The following TBC1D12 variants were observed in gnomAD, a reference collection of about 807,000 sequenced individuals.
TBC1D12 encodes the protein TBC1 domain family, member 12.
In TBC1D12, 56 loss-of-function variants were observed where a neutral mutation model predicts 86.7. The ratio of observed to expected loss-of-function variants is 0.65; its 90% CI spans 0.52 to 0.81. The LOEUF is 0.81. Ranked by LOEUF, TBC1D12 falls within the 30% of genes least tolerant of loss-of-function variation. TBC1D12 has a pLI of 0.00. For synonymous variants in TBC1D12, 421 were observed against 411.7 expected (o/e 1.02, Z -0.27); for missense variants, 1,023 against 1,038.8 (o/e 0.98, Z 0.21).
intron 6 of TBC1D12, among the ~76,000 whole-genome samples, chr10:94,503,047 G>T (rs981470402): frequency 3.3e-5 from 5 of 152,028 alleles, no homozygotes; most frequent in Non-Finnish European, 7.4e-5. Context: ...TATGCCATAA[G>T]GTTATTCTGT....
intron 6 of TBC1D12, among the ~76,000 whole-genome samples, chr10:94,504,673 G>A (rs1382882202): frequency 6.6e-6 from 1 of 152,064 alleles, no homozygotes; most frequent in Non-Finnish European, 1.5e-5. Context: ...TTGTGACCTT[G>A]GGCATATTAC....
chr10:94,471,208 G>C (rs1267680714), intron 2 of TBC1D12, among the ~76,000 whole-genome samples: 2 of 151,688 alleles, frequency 1.3e-5, no homozygotes, highest in Non-Finnish European at 2.9e-5. Flanking sequence ...CCCTGGAGGT[G>C]GAGGTTGCAG....
At chr10:94,506,265 C>A (rs990372321) in intron 6 of TBC1D12, among the ~76,000 whole-genome samples, 2 of 152,148 alleles carry the variant, frequency 1.3e-5, no homozygotes, top group Non-Finnish European at 2.9e-5. Flanking sequence ...TCTCAAACTC[C>A]TGACCTCAGG....
chr10:94,404,627 C>G (rs1006507861), intron 1 of TBC1D12, among the ~76,000 whole-genome samples: 1 of 130,442 alleles, frequency 7.7e-6, no homozygotes, highest in Non-Finnish European at 1.6e-5. Context: ...GCCTGGGGGA[C>G]AAGAGCGAAA....
chr10:94,417,875 G>T (rs1408984036), intron 1 of TBC1D12, among the ~76,000 whole-genome samples: 1 of 116,980 alleles, frequency 8.5e-6, no homozygotes, highest in Non-Finnish European at 1.8e-5. Context: ...CACGCCTCCC[G>T]AGTAGCTGGA....
chr10:94,419,260 C>T (rs959070714), intron 1 of TBC1D12, among the ~76,000 whole-genome samples: 1 of 152,068 alleles, frequency 6.6e-6, no homozygotes, highest in African/African-American at 2.4e-5. Flanking sequence ...GTTACATATA[C>T]GGGTTATTTA....
intron 2 of TBC1D12, among the ~76,000 whole-genome samples, chr10:94,459,554 C>T (rs554787171): frequency 2.0e-5 from 3 of 152,318 alleles, no homozygotes; most frequent in South Asian, 2.1e-4. Flanking sequence ...CGGCGGTGCC[C>T]GTCGGGGAGG....
intron 1 of TBC1D12, among the ~76,000 whole-genome samples, chr10:94,439,548 G>T (rs2055350759): frequency 6.6e-6 from 1 of 152,170 alleles, no homozygotes; most frequent in Non-Finnish European, 1.5e-5. Context: ...CTGCAGGTTT[G>T]CTGAGGGGCT....
intron 3 of TBC1D12, among the ~76,000 whole-genome samples, chr10:94,489,418 T>C (rs2056216325): frequency 6.6e-6 from 1 of 152,206 alleles, no homozygotes; most frequent in South Asian, 2.1e-4. Flanking sequence ...TTTAAGACTG[T>C]CTTTCCTACC....
Position 94,403,238 on chromosome 10 carries a change from G to A in TBC1D12, c.625G>A (p.Ala209Thr), listed in dbSNP as rs1185443435. ...GAGCTGCTGCCTGGTGGCCGCGGACGCCCAGGAGCCCGAGGGCGCGGGCAG... is the reference window on the plus strand; with the variant it reads ...GAGCTGCTGCCTGGTGGCCGCGGACACCCAGGAGCCCGAGGGCGCGGGCAG... ...LRSCCLVAADAQEPEGAGSDS... is the reference protein window; with the variant it reads ...LRSCCLVAADTQEPEGAGSDS... Residue 209 changes from alanine to threonine, a missense_variant, in exon 1 of 13, where the codon GCC (alanine) becomes ACC (threonine). By Grantham distance (58) the Ala-to-Thr change is moderately conservative. Transcript: ENST00000225235. 7.3e-6 allele frequency: 11 copies of A among 1,506,208 alleles called. No individual in the cohort carries two copies. Among genetic ancestry groups the A allele is most frequent in the Admixed American group, 2.2e-5 (1 of 45,628 alleles). The allele number at this position is 1,506,208 out of a possible 1,614,324, so 93.3% of individuals were successfully genotyped here.
At chr10:94,462,473 C>A (rs1207806231) in intron 2 of TBC1D12, among the ~76,000 whole-genome samples, 1 of 152,080 alleles carries the variant, frequency 6.6e-6, no homozygotes, top group Non-Finnish European at 1.5e-5. Context: ...TGTCAGATGT[C>A]CTTAAGGGGG....
chr10:94,488,580 T>A (rs1000789871), intron 3 of TBC1D12, among the ~76,000 whole-genome samples: 3 of 150,086 alleles, frequency 2.0e-5, no homozygotes, highest in Non-Finnish European at 4.4e-5. Context: ...TTGGTAGAGA[T>A]GGGGTTTTAC....
At position 94,535,705 on chromosome 10, in the gene TBC1D12, A is replaced by G. The variant is rs1443612674; in HGVS notation, c.*2609A>G. 6.6e-6 allele frequency: 1 copy of G among 152,206 alleles called. No individual in the cohort carries two copies. The highest frequency in any genetic ancestry group is 1.9e-4 in the East Asian group (1 of 5,202). 9.4% of individuals were successfully genotyped at this position (152,206 alleles called of 1,614,324 possible). ...TGATAGAGGGAATATAACATCTGGC[A>G]GTAATCTCATTCAGGTTATACTACC... On this transcript the variant is annotated 3_prime_UTR_variant, in exon 13 of 13. Coordinates refer to ENST00000225235, the MANE Select transcript of TBC1D12 (RefSeq NM_015188.2).
intron 3 of TBC1D12, 111 bp downstream of exon 3, chr10:94,474,894 T>TG: frequency 3.1e-6 from 3 of 980,342 alleles, no homozygotes; most frequent in Non-Finnish European, 4.5e-6. Flanking sequence ...GATTTAATTT[T>TG]TACAAAATTT....
chr10:94,485,141 CAGT>C (rs1397677819), intron 3 of TBC1D12, among the ~76,000 whole-genome samples: 2 of 152,256 alleles, frequency 1.3e-5, no homozygotes, highest in East Asian at 3.9e-4. Flanking sequence ...TGTTGAATAA[CAGT>C]GGTGAAAATC....
chr10:94,510,869 A>T (rs1225472478), intron 8 of TBC1D12, among the ~76,000 whole-genome samples: 2 of 152,140 alleles, frequency 1.3e-5, no homozygotes, highest in Non-Finnish European at 2.9e-5. Context: ...ATAAAATGAG[A>T]TAAAAATTTT....
intron 1 of TBC1D12, among the ~76,000 whole-genome samples, chr10:94,418,773 A>C (rs187887835): frequency 2.6e-5 from 4 of 151,318 alleles, no homozygotes; most frequent in Non-Finnish European, 4.4e-5. Flanking sequence ...AGGTTTCGCC[A>C]TGTTGGTCAG....
At chr10:94,436,687 C>T (rs986871660) in intron 1 of TBC1D12, among the ~76,000 whole-genome samples, 25 of 151,886 alleles carry the variant, frequency 1.6e-4, no homozygotes, top group Non-Finnish European at 3.2e-4. Context: ...TTTCTTCTCA[C>T]ATACCTTGTA....
chr10:94,456,124 T>G (rs1030373658), intron 2 of TBC1D12, among the ~76,000 whole-genome samples: 7 of 152,198 alleles, frequency 4.6e-5, no homozygotes, highest in Admixed American at 2.6e-4. Context: ...TTTAAAGAAC[T>G]GTTAGCTTTT....
Sources: allele counts gnomAD v4.1 joint callset (sites outside exome capture counted in the v4.1 genomes callset), GRCh38; gene constraint gnomAD v4.1.1; transcripts MANE v1.5; gene names NCBI Gene and HGNC (gene_info 2026-07-23, HGNC 2026-07-21).